PCCA: variants seen among roughly 807,000 people sequenced by gnomAD.
PCCA encodes propionyl-CoA carboxylase subunit alpha, also known as propionyl-CoA carboxylase alpha chain, mitochondrial.
A neutral mutation model predicts 101.3 loss-of-function variants in PCCA; 74 were observed. The ratio of observed to expected loss-of-function variants is 0.73; its 90% CI spans 0.61 to 0.89. The LOEUF (loss-of-function observed/expected upper bound fraction) is 0.89. PCCA is among the 40% of genes least tolerant of loss of function. The pLI is 0.00. For missense variants in PCCA, 891 were observed against 907.0 expected (o/e 0.98, Z 0.23); for synonymous variants, 294 against 313.6 (o/e 0.94, Z 0.66).
intron 21 of PCCA, among the ~76,000 whole-genome samples, chr13:100,484,850 G>A (rs1050702805): frequency 2.0e-5 from 3 of 152,180 alleles, no homozygotes; most frequent in Non-Finnish European, 2.9e-5. Context: ...TGAGCACCTC[G>A]GTAGGAGCCA....
intron 19 of PCCA, among the ~76,000 whole-genome samples, chr13:100,422,180 TG>T (rs992499078): frequency 1.4e-5 from 2 of 147,312 alleles, no homozygotes; most frequent in African/African-American, 5.1e-5. Flanking sequence ...TCGTCCAGCC[TG>T]GAGTGCAGTG....
At chr13:100,221,124 T>G (rs1036807338) in intron 7 of PCCA, among the ~76,000 whole-genome samples, 6 of 152,248 alleles carry the variant, frequency 3.9e-5, no homozygotes, top group Non-Finnish European at 7.3e-5. Context: ...CTGTCTTCTT[T>G]CAGGTGAACT....
chr13:100,354,729 A>G (rs1026073837), intron 18 of PCCA, among the ~76,000 whole-genome samples: 9 of 152,234 alleles, frequency 5.9e-5, no homozygotes, highest in Non-Finnish European at 1.3e-4. Flanking sequence ...GTTTACCAAT[A>G]AACAAGATAA....
chr13:100,507,419 T>C (rs977437601), intron 21 of PCCA, among the ~76,000 whole-genome samples: 6 of 152,118 alleles, frequency 3.9e-5, no homozygotes, highest in African/African-American at 1.4e-4. Context: ...ACTTGCTCCT[T>C]GGGAAACCCA....
At chr13:100,330,064 A>C (rs971006102) in intron 16 of PCCA, among the ~76,000 whole-genome samples, 5 of 152,190 alleles carry the variant, frequency 3.3e-5, no homozygotes, top group Admixed American at 1.3e-4. Flanking sequence ...ACCTCTCGCC[A>C]ACCAACCACC....
intron 21 of PCCA, among the ~76,000 whole-genome samples, chr13:100,501,295 C>CT (rs1425785329): frequency 2.0e-5 from 3 of 152,150 alleles, no homozygotes; most frequent in African/African-American, 7.2e-5. Flanking sequence ...GAAGTCAAGG[C>CT]TTTTAGATAT....
intron 22 of PCCA, among the ~76,000 whole-genome samples, chr13:100,521,826 T>A (rs1290312373): frequency 6.6e-6 from 1 of 152,248 alleles, no homozygotes; most frequent in East Asian, 1.9e-4. Context: ...AGGGCTGATA[T>A]TGATCCGTGT....
chr13:100,271,960 G>C (rs913039383), intron 11 of PCCA, among the ~76,000 whole-genome samples: 14 of 152,268 alleles, frequency 9.2e-5, no homozygotes, highest in African/African-American at 3.1e-4. Flanking sequence ...CCATAATAAA[G>C]CTTTTATAGC....
At chr13:100,127,512 A>G (rs2050071252) in intron 4 of PCCA, among the ~76,000 whole-genome samples, 1 of 152,218 alleles carries the variant, frequency 6.6e-6, no homozygotes, top group South Asian at 2.1e-4. Flanking sequence ...GTTATGAAAA[A>G]GCACCTAATC....
At chr13:100,328,442 C>G (rs188399950) in intron 16 of PCCA, among the ~76,000 whole-genome samples, 239 of 149,388 alleles carry the variant, frequency 1.6e-3, no homozygotes, top group South Asian at 4.6e-3. Context: ...TGAATATCTT[C>G]TCTCAGGCTG....
intron 12 of PCCA, among the ~76,000 whole-genome samples, chr13:100,277,498 T>C (rs2063749444): frequency 6.6e-6 from 1 of 152,162 alleles, no homozygotes; most frequent in Non-Finnish European, 1.5e-5. Flanking sequence ...AGTTGTTTTC[T>C]AGTCCCCAAT....
At chr13:100,519,136 G>A (rs149617604) in intron 22 of PCCA, among the ~76,000 whole-genome samples, 2 of 152,316 alleles carry the variant, frequency 1.3e-5, no homozygotes, top group African/African-American at 2.4e-5. Context: ...ATTCTTTCAA[G>A]TAATGTTCGT....
chr13:100,232,391 T>G (rs867597428), intron 7 of PCCA, among the ~76,000 whole-genome samples: 78 of 148,920 alleles, frequency 5.2e-4, no homozygotes, highest in African/African-American at 1.9e-3. Flanking sequence ...TGTGTGTGTG[T>G]GGTTTTAGAG....
intron 21 of PCCA, among the ~76,000 whole-genome samples, chr13:100,501,573 A>T (rs971029984): frequency 6.6e-6 from 1 of 152,098 alleles, no homozygotes; most frequent in Non-Finnish European, 1.5e-5. Flanking sequence ...CTGGGAACTC[A>T]CTAGAAATGC....
intron 19 of PCCA, among the ~76,000 whole-genome samples, chr13:100,415,239 CAAA>C (rs11308074): frequency 1.4e-4 from 17 of 123,088 alleles, no homozygotes; most frequent in Non-Finnish European, 1.2e-4. Flanking sequence ...CACACCTCTA[CAAA>C]AAAAAAAAAA....
At chr13:100,516,365 A>AGT (rs1282185306) in intron 22 of PCCA, among the ~76,000 whole-genome samples, 1 of 152,228 alleles carries the variant, frequency 6.6e-6, no homozygotes, top group African/African-American at 2.4e-5. Flanking sequence ...CTTACATTTT[A>AGT]GTGCCTCCTG....
chr13:100,471,304 A>G (rs769772070), intron 21 of PCCA, among the ~76,000 whole-genome samples: 5 of 152,200 alleles, frequency 3.3e-5, no homozygotes, highest in African/African-American at 4.8e-5. Flanking sequence ...AACAATTTCA[A>G]TGGTAACATC....
chr13:100,359,111 AG>A (rs1350956517), intron 18 of PCCA, among the ~76,000 whole-genome samples: 15 of 145,602 alleles, frequency 1.0e-4, no homozygotes, highest in Non-Finnish European at 2.3e-4. Flanking sequence ...AAAAAAAAAA[AG>A]AAAAAGAAAA....
chr13:100,189,483 C>T (rs2057584169), intron 6 of PCCA, among the ~76,000 whole-genome samples: 1 of 152,142 alleles, frequency 6.6e-6, no homozygotes, highest in Non-Finnish European at 1.5e-5. Context: ...GTTCGTTGTA[C>T]ATTCTGGATA....
Sources: gnomAD v4.1 joint callset for allele counts (sites outside exome capture counted in the v4.1 genomes callset) on GRCh38, gnomAD v4.1.1 for gene constraint, MANE v1.5 for transcripts, NCBI Gene and HGNC (gene_info 2026-07-23, HGNC 2026-07-21) for gene names.